The following CD44 variants were observed in gnomAD, a reference collection of about 807,000 sequenced individuals.
The protein encoded by CD44 is CD44 molecule (IN blood group).
CD44 carries 49 observed loss-of-function variants against 88.8 expected under a neutral mutation model. That is an observed-to-expected ratio of 0.55 (90% CI 0.44 to 0.70). The LOEUF is 0.70. Ranked by LOEUF, CD44 falls within the 30% of genes least tolerant of loss-of-function variation. CD44 has a pLI of 0.00. For missense variants in CD44, 883 were observed against 913.8 expected, an observed-to-expected ratio of 0.97 and a Z score of 0.43; for synonymous variants, 325 against 312.3, an observed-to-expected ratio of 1.04 and a Z score of -0.43.
chr11:35,180,476 A>G, intron 3 of CD44, 69 bp downstream of exon 3: 1 of 1,558,908 alleles, frequency 6.4e-7, no homozygotes, highest in South Asian at 1.1e-5. Context: ...GCTCAGCTTA[A>G]GTGGGGATTC....
Position 35,216,005 on chromosome 11 carries a change from A to G in CD44, c.1873+1091A>G, listed in dbSNP as rs564863811. Among the ~76,000 whole-genome samples, 4 of 151,532 alleles carry G rather than the reference A, an allele frequency of 2.6e-5. No homozygotes were observed. In the South Asian group the frequency reaches 8.4e-4, roughly 32 times the overall value. The stretch of plus-strand genomic sequence containing the variant: ...TAAGTACTATTATTATCCCCATGTT[A>G]CAGATGAGGAAACTAAGGCTCAGAG... On this transcript the variant is annotated intron_variant, in intron 15 of 17. Coordinates refer to ENST00000428726, the MANE Select transcript of CD44 (RefSeq NM_000610.4).
In CD44 at chr11:35,201,030, G is replaced by C. The variant is rs187512071; in HGVS notation, c.923-52G>C. 11 of 1,310,686 alleles carry C rather than the reference G, an allele frequency of 8.4e-6. No individual in the cohort carries two copies. In the Admixed American group the frequency reaches 1.7e-4, roughly 20 times the overall value. 81.2% of individuals were successfully genotyped at this position (1,310,686 alleles called of 1,614,324 possible). A position where few individuals can be genotyped will look rare whatever the true frequency, so the allele number is the denominator to read the frequency against. ...CAAGACTATGTGCGGGACAAGTGGC[G>C]AAGGCTCAAGAAATAACATTTTTCT... is the stretch of plus-strand genomic sequence containing the variant. On this transcript the variant is annotated intron_variant, in intron 7 of 17. Coordinates refer to ENST00000428726, the MANE Select transcript of CD44 (RefSeq NM_000610.4).
In CD44 at chr11:35,229,496, G is replaced by A. The variant is rs1949954346; in HGVS notation, c.*163G>A. On this transcript the variant is annotated 3_prime_UTR_variant, in exon 18 of 18. Transcript: ENST00000428726. Reference sequence around the variant, plus strand: ...TGTTTTTTGTGTTTTGTTCTTTAAAGTCAGGTCCAATTTGTAAAAACAGCA... The same window carrying A: ...TGTTTTTTGTGTTTTGTTCTTTAAAATCAGGTCCAATTTGTAAAAACAGCA... The A allele has an allele frequency of 1.7e-6, 1 of 578,078 alleles. No individual in the cohort carries two copies. The highest frequency in any genetic ancestry group is 2.8e-5 in the East Asian group (1 of 35,250). 35.8% of individuals were successfully genotyped at this position (578,078 alleles called of 1,614,324 possible).
At chr11:35,197,235 A>T (rs1385136761) in intron 6 of CD44, 1 of 165,722 alleles carries the variant, frequency 6.0e-6, no homozygotes, top group African/African-American at 2.4e-5. Context: ...GAAATAGCAT[A>T]GCTAGATATG....
Position 35,139,244 on chromosome 11 carries a change from C to T in CD44, c.-60C>T, listed in dbSNP as rs1237393514. The T allele has an allele frequency of 1.3e-5, 18 of 1,386,676 alleles. No homozygotes were observed. In the East Asian group the frequency reaches 3.7e-4, roughly 29 times the overall value. 85.9% of individuals were successfully genotyped at this position (1,386,676 alleles called of 1,614,324 possible). On this transcript the variant is annotated 5_prime_UTR_variant, in exon 1 of 18. Coordinates refer to ENST00000428726, the MANE Select transcript of CD44 (RefSeq NM_000610.4). ...TCGTCCCGTCCTCCGCCGGCCCCTG[C>T]CCCGCGCCCAGGGATCCTCCAGCTC...
At chr11:35,146,570 T>C (rs987942137) in intron 1 of CD44, among the ~76,000 whole-genome samples, 1 of 152,194 alleles carries the variant, frequency 6.6e-6, no homozygotes, top group Non-Finnish European at 1.5e-5. Context: ...ACTGACTTCA[T>C]GAAGGTGGTG....
At chr11:35,150,565 A>G (rs544082342) in intron 1 of CD44, among the ~76,000 whole-genome samples, 1 of 152,316 alleles carries the variant, frequency 6.6e-6, no homozygotes, top group South Asian at 2.1e-4. Context: ...TCAGTCACTG[A>G]ATGTCCTTCG....
intron 1 of CD44, among the ~76,000 whole-genome samples, chr11:35,150,957 G>A (rs1243750633): frequency 6.6e-6 from 1 of 152,198 alleles, no homozygotes; most frequent in Non-Finnish European, 1.5e-5. Flanking sequence ...TCTGTCCTCA[G>A]GGAGCTTACC....
chr11:35,165,574 C>A (rs1943164125), intron 1 of CD44, among the ~76,000 whole-genome samples: 1 of 152,116 alleles, frequency 6.6e-6, no homozygotes, highest in South Asian at 2.1e-4. Context: ...GAGGGTGGAG[C>A]CCCAATGTGT....
At chr11:35,169,185 C>A (rs994823356) in intron 1 of CD44, among the ~76,000 whole-genome samples, 2 of 152,046 alleles carry the variant, frequency 1.3e-5, no homozygotes, top group Non-Finnish European at 2.9e-5. Context: ...TTATTTCATT[C>A]AACATTTGCC....
intron 4 of CD44, among the ~76,000 whole-genome samples, chr11:35,188,631 A>G (rs1428305545): frequency 6.6e-6 from 1 of 151,490 alleles, no homozygotes; most frequent in African/African-American, 2.4e-5. Flanking sequence ...TTTTTCATTT[A>G]TGTATTATTA....
At chr11:35,139,914 G>T (rs1476332642) in intron 1 of CD44, among the ~76,000 whole-genome samples, 1 of 152,252 alleles carries the variant, frequency 6.6e-6, no homozygotes, top group African/African-American at 2.4e-5. Flanking sequence ...ACTGAGCCTT[G>T]TTCCAAAGCT....
At position 35,229,676 on chromosome 11, in the gene CD44, C is replaced by T. The variant is rs1325821729; in HGVS notation, c.*343C>T. On this transcript the variant is annotated 3_prime_UTR_variant, in exon 18 of 18. Transcript: ENST00000428726. Reference sequence around the variant, plus strand: ...TGATCGCCAACCTTTCCCCCACCAGCTAAGGACATTTCCCAGGGTTAATAG... The same window carrying T: ...TGATCGCCAACCTTTCCCCCACCAGTTAAGGACATTTCCCAGGGTTAATAG... 2 of 252,574 alleles carry T rather than the reference C, an allele frequency of 7.9e-6. No homozygotes were observed. The highest frequency in any genetic ancestry group is 4.5e-5 in the African/African-American group (2 of 44,560). 15.6% of individuals were successfully genotyped at this position (252,574 alleles called of 1,614,324 possible). A position where few individuals can be genotyped will look rare whatever the true frequency, so the allele number is the denominator to read the frequency against.
intron 1 of CD44, among the ~76,000 whole-genome samples, chr11:35,173,968 T>G (rs1216327832): frequency 6.6e-6 from 1 of 152,194 alleles, no homozygotes. Flanking sequence ...CTGGGTGACG[T>G]TGGGGAGTCA....
chr11:35,180,503 C>A, intron 3 of CD44, 96 bp downstream of exon 3: 2 of 1,313,400 alleles, frequency 1.5e-6, no homozygotes, highest in South Asian at 1.3e-5. Context: ...CCTCCATTTA[C>A]ATAACAAATG....
At chr11:35,227,714 A>G (rs1949801652) in intron 17 of CD44, among the ~76,000 whole-genome samples, 1 of 152,234 alleles carries the variant, frequency 6.6e-6, no homozygotes, top group Admixed American at 6.5e-5. Flanking sequence ...ATGATCATGA[A>G]TAATAGAGGC....
intron 14 of CD44, among the ~76,000 whole-genome samples, chr11:35,211,935 A>G (rs1291507152): frequency 6.6e-6 from 1 of 152,146 alleles, no homozygotes; most frequent in African/African-American, 2.4e-5. Context: ...TTGTTTTGGT[A>G]ATAGATTGAT....
At chr11:35,188,235 T>C (rs1945890257) in intron 4 of CD44, among the ~76,000 whole-genome samples, 1 of 152,140 alleles carries the variant, frequency 6.6e-6, no homozygotes. Flanking sequence ...CCCCACATTG[T>C]TATGTAAGGA....
chr11:35,181,905 T>TATTATATATTATTTATTATATATA (rs1291148360), intron 3 of CD44, among the ~76,000 whole-genome samples: 1 of 66,106 alleles, frequency 1.5e-5, no homozygotes, highest in Non-Finnish European at 2.6e-5. Context: ...ATATAATATA[T>TATTATATATTATTTATTATATATA]AATATATATT....
Sources: gnomAD v4.1 joint callset for allele counts (sites outside exome capture counted in the v4.1 genomes callset) on GRCh38, gnomAD v4.1.1 for gene constraint, MANE v1.5 for transcripts, NCBI Gene and HGNC (gene_info 2026-07-23, HGNC 2026-07-21) for gene names.